The following MYO10 variants were observed in gnomAD, a reference collection of about 807,000 sequenced individuals.
MYO10 encodes the protein myosin X, also known as unconventional myosin-X.
MYO10 carries 133 observed loss-of-function variants against 257.3 expected under a neutral mutation model. The observed-to-expected ratio is 0.52, with a 90% CI of 0.45 to 0.60. The LOEUF is 0.60. MYO10 is among the 20% of genes least tolerant of loss of function. MYO10 has a pLI of 0.00. For synonymous variants in MYO10, 1,104 were observed against 1,028.6 expected (o/e 1.07, Z -1.40); for missense variants, 2,399 against 2,635.7 (o/e 0.91, Z 1.97).
At chr5:16,791,748 T>C (rs250353) in intron 4 of MYO10, among the ~76,000 whole-genome samples, 75,885 of 152,068 alleles carry the variant, frequency 0.5, 19,288 homozygotes, top group South Asian at 0.62. Flanking sequence ...ATAGATTGTT[T>C]TCTTCCCTTC....
chr5:16,876,950 T>C (rs1039574918), intron 2 of MYO10, among the ~76,000 whole-genome samples: 8 of 152,196 alleles, frequency 5.3e-5, no homozygotes, highest in Non-Finnish European at 8.8e-5. Context: ...GACTTGGTCA[T>C]GAAGGTGCAG....
intron 3 of MYO10, among the ~76,000 whole-genome samples, chr5:16,815,633 C>A (rs1332987360): frequency 2.0e-5 from 3 of 152,182 alleles, no homozygotes; most frequent in Admixed American, 2.0e-4. Context: ...CTTGACAAAC[C>A]TAGCAAAGAA....
chr5:16,706,564 G>A (rs1738354272), intron 21 of MYO10, among the ~76,000 whole-genome samples: 1 of 152,094 alleles, frequency 6.6e-6, no homozygotes, highest in Non-Finnish European at 1.5e-5. Flanking sequence ...CCAAATCTTG[G>A]GGAAGGGGGT....
At chr5:16,878,174 C>T (rs1744658956) in intron 1 of MYO10, among the ~76,000 whole-genome samples, 1 of 152,178 alleles carries the variant, frequency 6.6e-6, no homozygotes, top group Non-Finnish European at 1.5e-5. Context: ...TTTGAGAACT[C>T]TTCAGAAACT....
intron 2 of MYO10, among the ~76,000 whole-genome samples, chr5:16,876,646 G>A (rs925631208): frequency 3.3e-5 from 5 of 152,032 alleles, no homozygotes; most frequent in Admixed American, 6.6e-5. Flanking sequence ...CCTCCGCCTC[G>A]CAGGTTGAAG....
chr5:16,778,716 G>A (rs1358126596), intron 9 of MYO10, among the ~76,000 whole-genome samples: 2 of 130,860 alleles, frequency 1.5e-5, no homozygotes, highest in Admixed American at 8.1e-5. Flanking sequence ...TTTTTGAGAC[G>A]GAGTCTCGCT....
intron 1 of MYO10, among the ~76,000 whole-genome samples, chr5:16,912,113 T>C (rs1040383568): frequency 2.0e-5 from 3 of 152,156 alleles, no homozygotes; most frequent in East Asian, 3.8e-4. Flanking sequence ...TGTTAGTATA[T>C]TTTATGTGTG....
chr5:16,729,550 C>T (rs1207846200), intron 19 of MYO10, among the ~76,000 whole-genome samples: 1 of 151,068 alleles, frequency 6.6e-6, no homozygotes, highest in Non-Finnish European at 1.5e-5. Context: ...CTCCCGGGTT[C>T]ACACCATTCT....
chr5:16,813,928 G>A (rs571468686), intron 3 of MYO10, among the ~76,000 whole-genome samples: 18 of 152,160 alleles, frequency 1.2e-4, no homozygotes, highest in Non-Finnish European at 2.2e-4. Context: ...GAATGTGAGC[G>A]GCCTCTAGAA....
At chr5:16,766,855 C>T (rs1225634405) in intron 10 of MYO10, among the ~76,000 whole-genome samples, 4 of 149,732 alleles carry the variant, frequency 2.7e-5, no homozygotes, top group African/African-American at 7.4e-5. Flanking sequence ...CTGCAACCTC[C>T]GCCTCCCTGG....
intron 19 of MYO10, among the ~76,000 whole-genome samples, chr5:16,718,826 G>A (rs1375300925): frequency 6.6e-6 from 1 of 151,976 alleles, no homozygotes; most frequent in Admixed American, 6.6e-5. Context: ...GCTCTGGTGG[G>A]GCCTTGGAGA....
In MYO10 at chr5:16,762,040, G is replaced by T; in HGVS notation, c.1656+5C>A. The T allele has an allele frequency of 7.6e-7, 1 of 1,315,678 alleles. No individual in the cohort carries two copies. The highest frequency in any genetic ancestry group is 1.3e-5 in the South Asian group (1 of 74,126). The allele number at this position is 1,315,678 out of a possible 1,614,324, so 81.5% of individuals were successfully genotyped here. On this transcript the variant is annotated splice_donor_5th_base_variant and intron_variant, in intron 16 of 40. Transcript: ENST00000513610. ...ATATCAATAGGTATCTTAATAAAAA[G>T]TTACCTCTCCAGCATAGTGCTTCAC...
intron 1 of MYO10, 71 bp downstream of exon 1, chr5:16,935,717 C>A: frequency 1.3e-6 from 2 of 1,586,396 alleles, no homozygotes; most frequent in South Asian, 1.1e-5. Flanking sequence ...GTACCCAGGG[C>A]GCGCGGCGTG....
Position 16,673,771 on chromosome 5 carries a change from T to C in MYO10, c.5083A>G (p.Ile1695Val). The change falls in exon 36 of 41, where the codon ATC (isoleucine) becomes GTC (valine). Residue 1695 changes from isoleucine to valine, a missense_variant. Coordinates refer to ENST00000513610, the MANE Select transcript of MYO10 (RefSeq NM_012334.3). The part of the protein sequence containing the change: ...VPSRDEIEAL[I>V]HRQEMTSTVY... ...GTGGATGTCATTTCCTGCCTGTGGA[T>C]CAGAGCTTCTATTTCATCTCGGGAA... 2 of 1,613,994 alleles carry C rather than the reference T, an allele frequency of 1.2e-6. No homozygotes were observed. Among genetic ancestry groups the C allele is most frequent in the Non-Finnish European group, 1.7e-6 (2 of 1,179,892 alleles).
intron 1 of MYO10, among the ~76,000 whole-genome samples, chr5:16,917,702 A>C (rs1039714359): frequency 2.0e-5 from 3 of 151,940 alleles, no homozygotes; most frequent in African/African-American, 7.3e-5. Context: ...TACAAAAAAA[A>C]AAAGGAAAAA....
chr5:16,805,836 C>A (rs187273767), intron 3 of MYO10, among the ~76,000 whole-genome samples: 1 of 152,166 alleles, frequency 6.6e-6, no homozygotes, highest in Non-Finnish European at 1.5e-5. Context: ...TTTGGAACAG[C>A]TGCAGCACAA....
intron 3 of MYO10, among the ~76,000 whole-genome samples, chr5:16,804,704 C>T (rs1164864127): frequency 6.6e-6 from 1 of 152,080 alleles, no homozygotes; most frequent in African/African-American, 2.4e-5. Context: ...GGCTTGAGCC[C>T]AGGAGTTTGA....
At chr5:16,722,445 AT>A (rs1437706560) in intron 19 of MYO10, among the ~76,000 whole-genome samples, 1 of 152,166 alleles carries the variant, frequency 6.6e-6, no homozygotes, top group Non-Finnish European at 1.5e-5. Flanking sequence ...TTTCTAATAT[AT>A]TTGTTTAATT....
chr5:16,929,198 C>A (rs1005179721), intron 1 of MYO10, among the ~76,000 whole-genome samples: 17 of 152,114 alleles, frequency 1.1e-4, no homozygotes, highest in Non-Finnish European at 2.2e-4. Flanking sequence ...CGTGATCCGC[C>A]CACCTCGGCC....
Sources: allele counts gnomAD v4.1 joint callset (sites outside exome capture counted in the v4.1 genomes callset), GRCh38; gene constraint gnomAD v4.1.1; transcripts MANE v1.5; gene names NCBI Gene and HGNC (gene_info 2026-07-23, HGNC 2026-07-21).